The following XKR3 variants were observed in gnomAD, a reference collection of about 807,000 sequenced individuals.
The protein encoded by XKR3 is XK related 3, also known as XK-related protein 3.
A neutral mutation model predicts 40.3 loss-of-function variants in XKR3; 27 were observed. The observed-to-expected ratio is 0.67, with a 90% CI of 0.49 to 0.92. XKR3 has a LOEUF of 0.92. Among genes scored for constraint, XKR3 ranks in the 40% least tolerant of loss-of-function variants. The pLI, the probability that XKR3 is intolerant of heterozygous loss-of-function variation, is 0.00. For missense variants in XKR3, 472 were observed against 537.6 expected, an observed-to-expected ratio of 0.88 and a Z score of 1.21; for synonymous variants, 193 against 195.4, an observed-to-expected ratio of 0.99 and a Z score of 0.10.
intron 3 of XKR3, among the ~76,000 whole-genome samples, chr22:16,792,908 A>G (rs897833129): frequency 3.9e-5 from 6 of 152,238 alleles, no homozygotes; most frequent in Non-Finnish European, 8.8e-5. Context: ...TTTGCAGATA[A>G]TCAACATGCG....
chr22:16,806,682 C>T (rs1263158734), intron 2 of XKR3, among the ~76,000 whole-genome samples: 1 of 151,978 alleles, frequency 6.6e-6, no homozygotes, highest in Non-Finnish European at 1.5e-5. Flanking sequence ...AAATGATCCG[C>T]CTGCATTGGC....
chr22:16,799,740 G>T (rs375886528), intron 3 of XKR3, 31 bp downstream of exon 3: 5 of 1,609,788 alleles, frequency 3.1e-6, no homozygotes, highest in African/African-American at 1.3e-5. Context: ...TGACCTTTGT[G>T]TGTCTTTCAG....
At chr22:16,797,282 C>A (rs1321367240) in intron 3 of XKR3, among the ~76,000 whole-genome samples, 2 of 152,112 alleles carry the variant, frequency 1.3e-5, no homozygotes, top group East Asian at 3.9e-4. Context: ...TAGCTAAGTC[C>A]CCAAATGCAA....
At chr22:16,808,311 C>T (rs867236341) in intron 1 of XKR3, among the ~76,000 whole-genome samples, 35 of 152,236 alleles carry the variant, frequency 2.3e-4, no homozygotes, top group Non-Finnish European at 2.1e-4. Flanking sequence ...AAGAAGTAGA[C>T]GATCAAACTT....
intron 3 of XKR3, among the ~76,000 whole-genome samples, chr22:16,788,883 TAAC>T (rs370227692): frequency 0.011 from 1,675 of 152,088 alleles, 14 homozygotes; most frequent in African/African-American, 0.019. Flanking sequence ...ACAAAATAAA[TAAC>T]AAAATCTAGG....
At chr22:16,784,805 C>T (rs2060083093) in intron 3 of XKR3, among the ~76,000 whole-genome samples, 1 of 152,072 alleles carries the variant, frequency 6.6e-6, no homozygotes, top group African/African-American at 2.4e-5. Context: ...AAGACAGTTC[C>T]ATTCTTTATA....
intron 3 of XKR3, among the ~76,000 whole-genome samples, chr22:16,798,849 C>T (rs1252295442): frequency 1.3e-5 from 2 of 152,224 alleles, no homozygotes; most frequent in East Asian, 3.9e-4. Context: ...TTGTCAACCA[C>T]TATTGGGTGG....
chr22:16,806,051 G>A lies in XKR3; in HGVS notation c.335+1688C>T, dbSNP rs561522511. Among the ~76,000 whole-genome samples, 31 of 152,212 alleles carry A rather than the reference G, an allele frequency of 2.0e-4. No homozygotes were observed. In the South Asian group the frequency reaches 6.2e-3, roughly 31 times the overall value. ...CTGGCAATTCCTCACTAGAGGTCAG[G>A]AGTTGGAGACCAGCTTGGCCAACCT... On this transcript the variant is annotated intron_variant, in intron 2 of 3. Transcript: ENST00000684488.
chr22:16,821,030 A>G (rs1214994319), intron 1 of XKR3, among the ~76,000 whole-genome samples: 1 of 152,186 alleles, frequency 6.6e-6, no homozygotes, highest in African/African-American at 2.4e-5. Flanking sequence ...TGACTGACAT[A>G]GATTTCAAGT....
intron 2 of XKR3, among the ~76,000 whole-genome samples, chr22:16,802,410 G>C (rs1380852074): frequency 6.6e-6 from 1 of 152,076 alleles, no homozygotes; most frequent in East Asian, 1.9e-4. Flanking sequence ...AGGAAAGAAA[G>C]AAGATAACTG....
At chr22:16,799,227 C>T (rs5748647) in intron 3 of XKR3, among the ~76,000 whole-genome samples, 3,800 of 151,458 alleles carry the variant, frequency 0.025, 95 homozygotes, top group East Asian at 0.07. Context: ...TCCTGGCTAA[C>T]ACAGTGAAAC....
intron 3 of XKR3, among the ~76,000 whole-genome samples, chr22:16,791,768 G>A (rs28837689): frequency 5.5e-4 from 33 of 60,324 alleles, no homozygotes; most frequent in African/African-American, 1.4e-3. Context: ...AGGGAGAGAG[G>A]GAGAGAGAGG....
In XKR3 at chr22:16,816,844, A is replaced by T. The variant is rs538238133; in HGVS notation, c.-11+8447T>A. ...CTTATCTTTCATGTATGGTCATCAG[A>T]TATAACATGGAATTCCCAGTTGCAT... On this transcript the variant is annotated intron_variant, in intron 1 of 3. Transcript: ENST00000684488. Among the ~76,000 whole-genome samples the T allele has an allele frequency of 2.0e-5, 3 of 152,136 alleles. No individual in the cohort carries two copies. In the South Asian group the frequency reaches 6.2e-4, roughly 31 times the overall value.
rs2060163682 is a variant in XKR3, at chr22:16,800,358, G to A, written c.336-334C>T. On this transcript the variant is annotated intron_variant, in intron 2 of 3. Transcript: ENST00000684488. ...CAGTTTGATTAAATAATATCACAAT[G>A]TTTTTCTAATGCGTTAATATTCTGA... is the stretch of plus-strand genomic sequence containing the variant. Among the ~76,000 whole-genome samples the A allele has an allele frequency of 2.0e-5, 3 of 152,204 alleles. No homozygotes were observed. The South Asian group carries it at 6.2e-4, about 32-fold the overall frequency.
Position 16,798,869 on chromosome 22 carries a change from C to T in XKR3, c.589+902G>A, listed in dbSNP as rs114400857. Among the ~76,000 whole-genome samples, 458 of 152,204 alleles carry T rather than the reference C, an allele frequency of 3.0e-3. 4 individuals carry two copies. Among genetic ancestry groups the T allele is most frequent in the African/African-American group, 0.01 (422 of 41,526 alleles). On this transcript the variant is annotated intron_variant, in intron 3 of 3. Coordinates refer to ENST00000684488, the MANE Select transcript of XKR3 (RefSeq NM_001386955.1). The stretch of plus-strand genomic sequence containing the variant: ...AACCACTATTGGGTGGAGGGAAGAA[C>T]AGCGTGGCCTAAGAAAAACTCCCTA...
At chr22:16,800,207 T>TA (rs5844281) in intron 2 of XKR3, among the ~76,000 whole-genome samples, 183 bp from the exon 3 acceptor site, 27,558 of 152,154 alleles carry the variant, frequency 0.18, 2,941 homozygotes, top group East Asian at 0.28. Flanking sequence ...TTATTTATGG[T>TA]AGTTCTTCCC....
At position 16,795,651 on chromosome 22, in the gene XKR3, T is replaced by G. The variant is rs1191989447; in HGVS notation, c.589+4120A>C. 2.0e-5 allele frequency among the ~76,000 whole-genome samples: 3 copies of G among 151,890 alleles called. No homozygotes were observed. In the East Asian group the frequency reaches 5.8e-4, roughly 29 times the overall value. ...ATAAAATAAATAAATAAATGGATAG[T>G]GTGCTACCTAAATTAACAAAGACAA... On this transcript the variant is annotated intron_variant, in intron 3 of 3. Transcript: ENST00000684488.
At chr22:16,789,219 G>A (rs2060103844) in intron 3 of XKR3, among the ~76,000 whole-genome samples, 1 of 149,866 alleles carries the variant, frequency 6.7e-6, no homozygotes, top group African/African-American at 2.4e-5. Context: ...AAAGAAAGAA[G>A]TAAAATTTTC....
intron 2 of XKR3, among the ~76,000 whole-genome samples, chr22:16,801,981 A>C (rs2060171285): frequency 6.6e-6 from 1 of 152,204 alleles, no homozygotes; most frequent in South Asian, 2.1e-4. Flanking sequence ...AAAATTTATA[A>C]AAAATCATTA....
Sources: allele counts gnomAD v4.1 joint callset (sites outside exome capture counted in the v4.1 genomes callset), GRCh38; gene constraint gnomAD v4.1.1; transcripts MANE v1.5; gene names NCBI Gene and HGNC (gene_info 2026-07-23, HGNC 2026-07-21).